BAIAP2L1: variants seen among roughly 807,000 people sequenced by gnomAD.
BAIAP2L1 encodes the protein BAR/IMD domain-containing adapter protein 2-like 1.
A neutral mutation model predicts 66.3 loss-of-function variants in BAIAP2L1; 35 were observed. That is an observed-to-expected ratio of 0.53 (90% CI 0.40 to 0.70). The LOEUF (loss-of-function observed/expected upper bound fraction) is 0.70, where lower values mean the gene tolerates loss of function less well. Ranked by LOEUF, BAIAP2L1 falls within the 30% of genes least tolerant of loss-of-function variation. The probability of loss-of-function intolerance (pLI) is 0.00; values close to 1 mark genes in which losing one functional copy is unlikely to be tolerated. For missense variants in BAIAP2L1, 622 were observed against 656.9 expected (o/e 0.95, Z 0.58); for synonymous variants, 269 against 248.7 (o/e 1.08, Z -0.77).
At chr7:98,353,205 T>C (rs2115684235) in intron 3 of BAIAP2L1, among the ~76,000 whole-genome samples, 1 of 151,000 alleles carries the variant, frequency 6.6e-6, no homozygotes, top group East Asian at 1.9e-4. Context: ...CTATTAAATA[T>C]AGCAGTACTG....
intron 3 of BAIAP2L1, among the ~76,000 whole-genome samples, chr7:98,340,793 G>T (rs1034926500): frequency 1.4e-4 from 19 of 138,048 alleles, no homozygotes; most frequent in African/African-American, 4.0e-4. Flanking sequence ...GCTCTTACAG[G>T]TTTTTTTTTT....
intron 1 of BAIAP2L1, among the ~76,000 whole-genome samples, chr7:98,397,159 T>C (rs1803230272): frequency 6.6e-6 from 1 of 152,032 alleles, no homozygotes; most frequent in South Asian, 2.1e-4. Context: ...GGCTGGGAGA[T>C]GGATGGAGGC....
chr7:98,398,885 GGAA>G (rs1308298942), intron 1 of BAIAP2L1, among the ~76,000 whole-genome samples: 1 of 152,182 alleles, frequency 6.6e-6, no homozygotes, highest in Non-Finnish European at 1.5e-5. Context: ...GGCTGTTCTT[GGAA>G]GAAGGGCGGA....
chr7:98,384,018 G>A (rs1802827058), intron 1 of BAIAP2L1, among the ~76,000 whole-genome samples: 1 of 152,132 alleles, frequency 6.6e-6, no homozygotes, highest in East Asian at 1.9e-4. Context: ...GCTGGGCGTG[G>A]TGGCACGTGC....
At chr7:98,301,015 G>A (rs1348929710) in intron 12 of BAIAP2L1, among the ~76,000 whole-genome samples, 1 of 152,136 alleles carries the variant, frequency 6.6e-6, no homozygotes, top group Non-Finnish European at 1.5e-5. Flanking sequence ...ACCCCTGCGT[G>A]GGTCTCATTC....
At chr7:98,304,099 G>A in intron 12 of BAIAP2L1, 97 bp downstream of exon 12, 1 of 1,305,540 alleles carries the variant, frequency 7.7e-7, no homozygotes, top group Non-Finnish European at 1.0e-6. Flanking sequence ...CTCCCCCTGG[G>A]GACAGAGCAG....
At chr7:98,331,615 T>C (rs976558242) in intron 3 of BAIAP2L1, among the ~76,000 whole-genome samples, 2 of 151,914 alleles carry the variant, frequency 1.3e-5, no homozygotes, top group African/African-American at 4.8e-5. Flanking sequence ...ATTACAGGCA[T>C]GCACCACCAC....
rs1802068546 is a variant in BAIAP2L1, at chr7:98,354,148, C to A, written c.214+894G>T. ...CCCAGATCGCCTCTGCACCCAACAG[C>A]CCAGCTCCTCAACTCCACTGTCAGG... On this transcript the variant is annotated intron_variant, in intron 3 of 13. Coordinates refer to ENST00000005260, the MANE Select transcript of BAIAP2L1 (RefSeq NM_018842.5). 2.6e-5 allele frequency among the ~76,000 whole-genome samples: 4 copies of A among 152,074 alleles called. 1 individual carries two copies. In the South Asian group the frequency reaches 8.3e-4, roughly 32 times the overall value.
At chr7:98,326,872 CAAAA>C (rs76222115) in intron 3 of BAIAP2L1, among the ~76,000 whole-genome samples, 1 of 145,026 alleles carries the variant, frequency 6.9e-6, no homozygotes, top group Non-Finnish European at 1.5e-5. Flanking sequence ...CTAGTCGTGA[CAAAA>C]AAAAAAATTA....
intron 1 of BAIAP2L1, among the ~76,000 whole-genome samples, chr7:98,368,519 C>T (rs1052748219): frequency 3.3e-5 from 5 of 152,012 alleles, no homozygotes; most frequent in Non-Finnish European, 4.4e-5. Flanking sequence ...GGTGAAACCC[C>T]GCCTCTACTA....
rs80039560 is a variant in BAIAP2L1 at position 98,315,614 on chromosome 7, TAAAAAAAAA to T, written c.487-11_487-3del. 18 of 772,460 alleles carry T rather than the reference TAAAAAAAAA, an allele frequency of 2.3e-5. No homozygotes were observed. In the Admixed American group the frequency reaches 2.6e-4, roughly 11 times the overall value. 47.9% of individuals were successfully genotyped at this position (772,460 alleles called of 1,614,324 possible). ...ACGAGAAGTAACGGTCTCCACATAC[TAAAAAAAAA>T]AAAATAATAATAATAATAATTATAT... is the stretch of plus-strand genomic sequence containing the variant. On this transcript the variant is annotated splice_polypyrimidine_tract_variant and splice_region_variant and intron_variant, in intron 6 of 13. Transcript: ENST00000005260.
intron 1 of BAIAP2L1, among the ~76,000 whole-genome samples, chr7:98,369,663 A>ATTCT (rs1554338737): frequency 9.6e-6 from 1 of 103,850 alleles, no homozygotes. Context: ...TGATTTCCTA[A>ATTCT]TTTTTTTTTT....
At chr7:98,343,248 T>TACACAC (rs57033582) in intron 3 of BAIAP2L1, among the ~76,000 whole-genome samples, 11,466 of 128,464 alleles carry the variant, frequency 0.089, 569 homozygotes, top group Non-Finnish European at 0.11. Context: ...AAAAAAAAAA[T>TACACAC]ACACACACAC....
At chr7:98,301,325 T>A (rs1364946198) in intron 12 of BAIAP2L1, among the ~76,000 whole-genome samples, 1 of 152,160 alleles carries the variant, frequency 6.6e-6, no homozygotes, top group Non-Finnish European at 1.5e-5. Context: ...CTCAAACACG[T>A]GCAGAATCAA....
chr7:98,360,750 G>A (rs931996091), intron 2 of BAIAP2L1, among the ~76,000 whole-genome samples: 3 of 152,174 alleles, frequency 2.0e-5, no homozygotes, highest in African/African-American at 7.2e-5. Flanking sequence ...CTTCGAGGGA[G>A]AGTCAGCAGT....
chr7:98,317,791 C>G (rs1288709651), intron 5 of BAIAP2L1, among the ~76,000 whole-genome samples: 1 of 151,358 alleles, frequency 6.6e-6, no homozygotes, highest in African/African-American at 2.4e-5. Context: ...CCGGGGCCCT[C>G]GCTCATTTCA....
chr7:98,298,338 T>C (rs1479004331), intron 12 of BAIAP2L1, among the ~76,000 whole-genome samples: 1 of 146,820 alleles, frequency 6.8e-6, no homozygotes, highest in Non-Finnish European at 1.5e-5. Context: ...AGGGGCTGGG[T>C]GCGGTGGCTC....
chr7:98,391,605 G>A lies in BAIAP2L1; in HGVS notation c.51+9197C>T, dbSNP rs201185584. ...CGGGCACCTGTAGTCCCAGTTACTC[G>A]GGAGGCTGAGGCAGGAGAATGGCAT... On this transcript the variant is annotated intron_variant, in intron 1 of 13. Coordinates refer to ENST00000005260, the MANE Select transcript of BAIAP2L1 (RefSeq NM_018842.5). Among the ~76,000 whole-genome samples the A allele has an allele frequency of 5.9e-5, 9 of 151,814 alleles. No homozygotes were observed. In the East Asian group the frequency reaches 1.4e-3, roughly 23 times the overall value.
At chr7:98,311,405 A>C (rs1416369436) in intron 8 of BAIAP2L1, among the ~76,000 whole-genome samples, 1 of 151,860 alleles carries the variant, frequency 6.6e-6, no homozygotes, top group African/African-American at 2.4e-5. Flanking sequence ...TTAGCCAGGC[A>C]TGGTGGCGGG....
Sources: gnomAD v4.1 joint callset for allele counts (sites outside exome capture counted in the v4.1 genomes callset) on GRCh38, gnomAD v4.1.1 for gene constraint, MANE v1.5 for transcripts, NCBI Gene and HGNC (gene_info 2026-07-23, HGNC 2026-07-21) for gene names.